Variants in TDRD1 observed in about 807,000 individuals in gnomAD.
TDRD1 encodes the protein tudor domain containing 1, also known as tudor domain-containing protein 1.
A neutral mutation model predicts 140.6 loss-of-function variants in TDRD1; 37 were observed. The ratio of observed to expected loss-of-function variants is 0.26; its 90% confidence interval spans 0.20 to 0.35. TDRD1 has a LOEUF of 0.35. TDRD1 is among the 10% of genes least tolerant of loss of function. The pLI, the probability that TDRD1 is intolerant of heterozygous loss-of-function variation, is 1.00. For synonymous variants in TDRD1, 506 were observed against 475.7 expected, an observed-to-expected ratio of 1.06 and a Z score of -0.83; for missense variants, 1,243 against 1,393.0, an observed-to-expected ratio of 0.89 and a Z score of 1.71.
At chr10:114,180,904 G>A (rs2033000846) in intron 1 of TDRD1, among the ~76,000 whole-genome samples, 1 of 152,192 alleles carries the variant, frequency 6.6e-6, no homozygotes, top group South Asian at 2.1e-4. Flanking sequence ...AAGAACTCCA[G>A]CCTGTGGTAT....
chr10:114,188,640 C>T (rs773512353), intron 2 of TDRD1, among the ~76,000 whole-genome samples: 10 of 152,136 alleles, frequency 6.6e-5, no homozygotes, highest in South Asian at 2.1e-4. Context: ...GGGCAGATCA[C>T]GAGGTCAGGA....
chr10:114,209,976 A>G (rs17777154), intron 11 of TDRD1, among the ~76,000 whole-genome samples: 24,714 of 152,190 alleles, frequency 0.16, 2,180 homozygotes, highest in Middle Eastern at 0.22. Context: ...TTGGAATTTT[A>G]TAAACCATGT....
chr10:114,198,560 G>A (rs2034522260), intron 3 of TDRD1, among the ~76,000 whole-genome samples: 1 of 152,206 alleles, frequency 6.6e-6, no homozygotes, highest in Admixed American at 6.5e-5. Context: ...TGTCTGTGGT[G>A]TTTGGAGTAG....
intron 2 of TDRD1, 72 bp from the exon 3 acceptor site, chr10:114,190,889 A>T: frequency 6.9e-7 from 1 of 1,447,236 alleles, no homozygotes; most frequent in Non-Finnish European, 9.7e-7. Context: ...TCACCTAATT[A>T]CACTATTTTT....
At chr10:114,186,753 A>G (rs1052230423) in intron 1 of TDRD1, among the ~76,000 whole-genome samples, 1 of 152,124 alleles carries the variant, frequency 6.6e-6, no homozygotes, top group Non-Finnish European at 1.5e-5. Flanking sequence ...GTCTGGTCCA[A>G]TAAGAGTTCC....
chr10:114,220,501 G>A, intron 18 of TDRD1, 67 bp from the exon 19 acceptor site: 1 of 1,149,124 alleles, frequency 8.7e-7, no homozygotes, highest in Non-Finnish European at 1.3e-6. Flanking sequence ...ACCTGGTGCT[G>A]GGTACTACTA....
At chr10:114,217,747 A>G (rs1200904712) in intron 17 of TDRD1, 92 bp downstream of exon 17, 1 of 664,654 alleles carries the variant, frequency 1.5e-6, no homozygotes. Flanking sequence ...ATGCTTAAGC[A>G]AACATTTTTC....
In TDRD1 at chr10:114,184,250, C is replaced by G. The variant is rs2033340724; in HGVS notation, c.-6-3576C>G. 3.3e-5 allele frequency among the ~76,000 whole-genome samples: 5 copies of G among 151,782 alleles called. No homozygotes were observed. The South Asian group carries it at 1.0e-3, about 32-fold the overall frequency. On this transcript the variant is annotated intron_variant, in intron 1 of 25. Transcript: ENST00000251864. ...AACTTACCTTCTTCCTCTCTGCATTCTGTTCATGCCTTTTTGTCATTTATT... is the reference window on the plus strand; with the variant it reads ...AACTTACCTTCTTCCTCTCTGCATTGTGTTCATGCCTTTTTGTCATTTATT...
intron 2 of TDRD1, among the ~76,000 whole-genome samples, chr10:114,190,640 A>G (rs2033896728): frequency 1.3e-5 from 2 of 152,160 alleles, no homozygotes; most frequent in African/African-American, 4.8e-5. Flanking sequence ...AGAGTGCACC[A>G]CCATGCCCAG....
rs1243089488 is a variant in TDRD1 at position 114,226,039 on chromosome 10, C to G, written c.3008-10C>G. The G allele has an allele frequency of 6.2e-7, 1 of 1,611,678 alleles. No individual in the cohort carries two copies. The highest frequency in any genetic ancestry group is 1.3e-5 in the African/African-American group (1 of 74,856). On this transcript the variant is annotated splice_polypyrimidine_tract_variant and intron_variant, in intron 21 of 25. Coordinates refer to ENST00000251864, the Ensembl canonical transcript of TDRD1. ...GTAAGTTCTTACCTGAGATTTCATTCTGTTTTCAGGTGATGATTTTTGGTA... is the reference window on the plus strand; with the variant it reads ...GTAAGTTCTTACCTGAGATTTCATTGTGTTTTCAGGTGATGATTTTTGGTA...
chr10:114,218,205 C>CTA (rs1358568418), intron 17 of TDRD1, among the ~76,000 whole-genome samples: 1 of 152,074 alleles, frequency 6.6e-6, no homozygotes, highest in Non-Finnish European at 1.5e-5. Flanking sequence ...AAGTATGGCA[C>CTA]TATACATTTT....
At chr10:114,204,339 A>C (rs942041909) in intron 9 of TDRD1, 123 bp downstream of exon 9, 5 of 1,078,612 alleles carry the variant, frequency 4.6e-6, no homozygotes, top group Non-Finnish European at 6.4e-6. Context: ...CTATGTAAAT[A>C]AACACTCATG....
chr10:114,186,295 G>A (rs1441636692), intron 1 of TDRD1, among the ~76,000 whole-genome samples: 4 of 151,834 alleles, frequency 2.6e-5, no homozygotes, highest in South Asian at 2.1e-4. Context: ...ATGGAGTCTC[G>A]CTGTGTTGCC....
intron 16 of TDRD1, 90 bp downstream of exon 16, chr10:114,214,204 A>G (rs1183523214): frequency 1.7e-6 from 2 of 1,160,934 alleles, no homozygotes; most frequent in African/African-American, 3.0e-5. Flanking sequence ...TGATAAAAGT[A>G]CCTCTTTCCA....
rs750605807 is a variant in TDRD1 at position 114,217,519 on chromosome 10, T to A, written c.2213-26T>A. 3 of 1,248,650 alleles carry A rather than the reference T, an allele frequency of 2.4e-6. No individual in the cohort carries two copies. The South Asian group carries it at 4.1e-5, about 17-fold the overall frequency. 77.3% of individuals were successfully genotyped at this position (1,248,650 alleles called of 1,614,324 possible). A position where few individuals can be genotyped will look rare whatever the true frequency, so the allele number is the denominator to read the frequency against. On this transcript the variant is annotated intron_variant, in intron 16 of 25. Transcript: ENST00000251864. ...TGTTTATTTTTTAATATGTTCTTAA[T>A]TTTTTAATCCTATGTGTATTTTCAG...
chr10:114,181,636 C>G, intron 1 of TDRD1, among the ~76,000 whole-genome samples: 1 of 151,982 alleles, frequency 6.6e-6, no homozygotes, highest in East Asian at 1.9e-4. Flanking sequence ...GGCGGATCAC[C>G]TGAGGTTAGG....
intron 25 of TDRD1, among the ~76,000 whole-genome samples, chr10:114,229,112 AC>A (rs2036608638): frequency 6.9e-6 from 1 of 145,028 alleles, no homozygotes; most frequent in Admixed American, 6.9e-5. Flanking sequence ...AAAAAAAAAA[AC>A]AACCTCTAAT....
At chr10:114,199,226 C>T (rs1462023200) in exon 4 of TDRD1, 14 of 1,614,006 alleles carry the variant, frequency 8.7e-6, no homozygotes, top group Non-Finnish European at 1.1e-5. Context: ...ACAAGTTGGT[C>T]GAGAATTCCT....
At chr10:114,188,876 GAAA>G (rs34349007) in intron 2 of TDRD1, among the ~76,000 whole-genome samples, 9,105 of 107,180 alleles carry the variant, frequency 0.085, 322 homozygotes, top group East Asian at 0.13. Context: ...AAAACAAAAT[GAAA>G]AAAAAAAAAA....
Sources: allele counts gnomAD v4.1 joint callset (sites outside exome capture counted in the v4.1 genomes callset), GRCh38; gene constraint gnomAD v4.1.1; transcripts MANE v1.5; gene names NCBI Gene and HGNC (gene_info 2026-07-23, HGNC 2026-07-21).